TIAM2: variants seen among roughly 807,000 people sequenced by gnomAD.
TIAM2 encodes rho guanine nucleotide exchange factor TIAM2.
In TIAM2, 80 loss-of-function variants were observed where a neutral mutation model predicts 152.9. The ratio of observed to expected loss-of-function variants is 0.52; its 90% CI spans 0.44 to 0.63. TIAM2 has a LOEUF of 0.63. TIAM2 is among the 30% of genes least tolerant of loss of function. The pLI, the probability that TIAM2 is intolerant of heterozygous loss-of-function variation, is 0.00. For missense variants in TIAM2, 1,965 were observed against 2,120.1 expected, an observed-to-expected ratio of 0.93 and a Z score of 1.44; for synonymous variants, 804 against 838.0, an observed-to-expected ratio of 0.96 and a Z score of 0.70.
chr6:155,211,221 G>C lies in TIAM2; in HGVS notation c.3082G>C (p.Asp1028His). ...TTATGCAGATTTCAGCAACGTCCCTGATATCACAACAGGTCTGAAAAGGAG... is the reference window on the plus strand; with the variant it reads ...TTATGCAGATTTCAGCAACGTCCCTCATATCACAACAGGTCTGAAAAGGAG... ...NTANDFSNVP[D>H]ITTGLKRSQT... Residue 1028 changes from aspartate to histidine, a missense_variant, in exon 15 of 27, where the codon GAT becomes CAT. Physicochemically the swap from Asp to His is moderately conservative, Grantham distance 81 (BLOSUM62 -1). Transcript: ENST00000682666. 1 of 1,613,378 alleles carries C rather than the reference G, an allele frequency of 6.2e-7. No individual in the cohort carries two copies. Among genetic ancestry groups the C allele is most frequent in the Non-Finnish European group, 8.5e-7 (1 of 1,179,440 alleles).
intron 1 of TIAM2, among the ~76,000 whole-genome samples, chr6:154,998,002 T>C (rs1778248910): frequency 6.6e-6 from 1 of 152,170 alleles, no homozygotes; most frequent in African/African-American, 2.4e-5. Flanking sequence ...TTTTTTTGTA[T>C]AAGTCAGTAT....
intron 2 of TIAM2, among the ~76,000 whole-genome samples, chr6:155,092,374 A>G (rs1778325462): frequency 6.6e-6 from 1 of 151,834 alleles, no homozygotes; most frequent in African/African-American, 2.4e-5. Context: ...CTGGGATTAC[A>G]GGCATGAGCC....
intron 1 of TIAM2, among the ~76,000 whole-genome samples, chr6:155,077,464 G>T (rs1277101522): frequency 6.6e-6 from 1 of 152,144 alleles, no homozygotes; most frequent in Non-Finnish European, 1.5e-5. Flanking sequence ...AGTTCCTAGA[G>T]AAATATTTTT....
chr6:155,010,917 G>A (rs909668133), intron 1 of TIAM2, among the ~76,000 whole-genome samples: 4 of 151,950 alleles, frequency 2.6e-5, no homozygotes, highest in Admixed American at 6.6e-5. Flanking sequence ...GGTGTCATGC[G>A]CCTGTAATCC....
At chr6:155,005,656 CT>C (rs1158345350) in intron 1 of TIAM2, among the ~76,000 whole-genome samples, 231 of 126,526 alleles carry the variant, frequency 1.8e-3, no homozygotes, top group Admixed American at 1.9e-3. Context: ...GAATTCTTTA[CT>C]TTTTTTTTTT....
chr6:155,140,850 GT>G (rs1438572235), intron 5 of TIAM2, among the ~76,000 whole-genome samples: 1 of 152,166 alleles, frequency 6.6e-6, no homozygotes, highest in Non-Finnish European at 1.5e-5. Context: ...AAAAACAACA[GT>G]GACAGCCATG....
At chr6:155,245,565 A>G in intron 18 of TIAM2, 58 bp from the exon 19 acceptor site, 1 of 1,413,480 alleles carries the variant, frequency 7.1e-7, no homozygotes, top group Non-Finnish European at 1.0e-6. Context: ...CAAATGCCAT[A>G]AGCCAGCACG....
rs180794966 is a variant in TIAM2 at position 155,045,358 on chromosome 6, G to A, written c.-208-44931G>A. On this transcript the variant is annotated intron_variant, in intron 1 of 26. Coordinates refer to ENST00000682666, the MANE Select transcript of TIAM2 (RefSeq NM_012454.4). ...ATTACAGGTGTGAGCCACCACGCCC[G>A]GCAGAAAGCCCTTTTTCTATGCTGT... Among the ~76,000 whole-genome samples, 758 of 151,892 alleles carry A rather than the reference G, an allele frequency of 5.0e-3. 6 individuals are homozygous for A. The highest frequency in any genetic ancestry group is 5.0e-3 in the Admixed American group (77 of 15,252).
At chr6:155,196,034 G>A (rs926251838) in intron 14 of TIAM2, among the ~76,000 whole-genome samples, 2 of 152,192 alleles carry the variant, frequency 1.3e-5, no homozygotes, top group Non-Finnish European at 2.9e-5. Context: ...ATGATCTGAC[G>A]AGTGATTGGT....
chr6:155,094,545 A>AC lies in TIAM2; in HGVS notation c.-118+4167dup, dbSNP rs201818442. Among the ~76,000 whole-genome samples the AC allele has an allele frequency of 5.1e-3, 409 of 80,654 alleles. 4 individuals are homozygous for AC. Among genetic ancestry groups the AC allele is most frequent in the African/African-American group, 0.018 (388 of 21,916 alleles). The allele number at this position is 80,654 out of a possible 152,430, so 52.9% of individuals were successfully genotyped here. A position where few individuals can be genotyped will look rare whatever the true frequency, so the allele number is the denominator to read the frequency against. On this transcript the variant is annotated intron_variant, in intron 2 of 26. Transcript: ENST00000682666. Reference sequence around the variant, plus strand: ...ACTCAGTCAGGCCTGCTTCACTCAGACTTTTTTTTTTTTTTTTTTTTTTTG... The same window carrying AC: ...ACTCAGTCAGGCCTGCTTCACTCAGACCTTTTTTTTTTTTTTTTTTTTTTTG...
At chr6:155,086,215 C>T (rs1027205161) in intron 1 of TIAM2, among the ~76,000 whole-genome samples, 3 of 152,144 alleles carry the variant, frequency 2.0e-5, no homozygotes, top group Admixed American at 2.0e-4. Flanking sequence ...AGTAACTTGT[C>T]ATTGCTGGAA....
chr6:155,087,919 C>T (rs375588736), intron 1 of TIAM2, among the ~76,000 whole-genome samples: 6 of 151,900 alleles, frequency 3.9e-5, no homozygotes, highest in African/African-American at 1.5e-4. Flanking sequence ...TCAAATCACA[C>T]TACCTCTTTG....
chr6:155,240,252 ACT>A (rs1266791677), intron 15 of TIAM2, among the ~76,000 whole-genome samples: 1 of 152,284 alleles, frequency 6.6e-6, no homozygotes, highest in South Asian at 2.1e-4. Flanking sequence ...CTAGGCAATG[ACT>A]CTGTAATTTC....
intron 1 of TIAM2, among the ~76,000 whole-genome samples, chr6:155,079,722 G>A (rs1486361574): frequency 6.6e-6 from 1 of 152,196 alleles, no homozygotes; most frequent in Non-Finnish European, 1.5e-5. Context: ...CTAGGCGGGT[G>A]GATCACTTGA....
intron 1 of TIAM2, among the ~76,000 whole-genome samples, chr6:155,029,629 C>CTATATAG (rs1776779187): frequency 2.5e-5 from 2 of 81,068 alleles, no homozygotes; most frequent in African/African-American, 9.7e-5. Context: ...ATGTATATAA[C>CTATATAG]TATATATAGT....
At chr6:155,246,462 A>G (rs1167632811) in intron 19 of TIAM2, among the ~76,000 whole-genome samples, 1 of 152,108 alleles carries the variant, frequency 6.6e-6, no homozygotes. Flanking sequence ...TCCTCCCACA[A>G]ACACCCTCTT....
At chr6:155,041,746 A>G (rs1445854677) in intron 1 of TIAM2, among the ~76,000 whole-genome samples, 1 of 152,228 alleles carries the variant, frequency 6.6e-6, no homozygotes, top group Non-Finnish European at 1.5e-5. Flanking sequence ...TATGAAAAAT[A>G]AGATTTGTTT....
chr6:155,134,899 G>T (rs1779524593), intron 4 of TIAM2, among the ~76,000 whole-genome samples: 1 of 151,964 alleles, frequency 6.6e-6, no homozygotes, highest in Non-Finnish European at 1.5e-5. Flanking sequence ...TAGAGACGGG[G>T]TTTCACCGTG....
intron 14 of TIAM2, among the ~76,000 whole-genome samples, chr6:155,202,586 CTTT>C (rs34052608): frequency 1.9e-3 from 256 of 133,968 alleles, no homozygotes; most frequent in African/African-American, 6.8e-3. Flanking sequence ...ACCTGGATAA[CTTT>C]TTTTTTTTTT....
Sources: allele counts gnomAD v4.1 joint callset (sites outside exome capture counted in the v4.1 genomes callset), GRCh38; gene constraint gnomAD v4.1.1; transcripts MANE v1.5; gene names NCBI Gene and HGNC (gene_info 2026-07-23, HGNC 2026-07-21).